Variants in ROCK1 observed in about 807,000 individuals in gnomAD.
The protein encoded by ROCK1 is rho-associated protein kinase 1.
Under a neutral mutation model 196.8 loss-of-function variants are expected in ROCK1, and 36 were observed. The ratio of observed to expected loss-of-function variants is 0.18; its 90% confidence interval spans 0.14 to 0.24. The LOEUF is 0.24. Among genes scored for constraint, ROCK1 ranks in the 10% least tolerant of loss-of-function variants. The pLI is 1.00. For missense variants in ROCK1, 920 were observed against 1,562.0 expected (o/e 0.59, Z 6.93); for synonymous variants, 443 against 515.9 (o/e 0.86, Z 1.91).
chr18:21,088,457 G>A (rs1007812414), intron 1 of ROCK1, among the ~76,000 whole-genome samples: 5 of 152,204 alleles, frequency 3.3e-5, no homozygotes, highest in African/African-American at 7.2e-5. Context: ...CTATGATCAC[G>A]TCACTGCACT....
chr18:20,956,091 T>A (rs562585458), intron 29 of ROCK1, among the ~76,000 whole-genome samples: 2 of 152,238 alleles, frequency 1.3e-5, no homozygotes, highest in African/African-American at 4.8e-5. Context: ...AACTCTTTAT[T>A]TGGCGATGAC....
intron 10 of ROCK1, among the ~76,000 whole-genome samples, chr18:21,025,240 T>A (rs749060151): frequency 6.6e-6 from 1 of 152,212 alleles, no homozygotes; most frequent in Non-Finnish European, 1.5e-5. Context: ...CGGGAGTTAC[T>A]ATATTAGGAA....
intron 9 of ROCK1, among the ~76,000 whole-genome samples, chr18:21,034,365 T>C (rs2036038837): frequency 6.6e-6 from 1 of 152,156 alleles, no homozygotes; most frequent in African/African-American, 2.4e-5. Flanking sequence ...AAGAACGAAG[T>C]TGAAAGACTC....
intron 27 of ROCK1, among the ~76,000 whole-genome samples, chr18:20,966,642 T>C (rs1017491279): frequency 2.6e-5 from 4 of 152,188 alleles, no homozygotes; most frequent in East Asian, 1.9e-4. Flanking sequence ...ACTGTGGACT[T>C]AGGCTGCTCA....
chr18:20,958,826 T>C (rs1598506909), intron 29 of ROCK1, among the ~76,000 whole-genome samples: 1 of 140,752 alleles, frequency 7.1e-6, no homozygotes, highest in Non-Finnish European at 1.5e-5. Flanking sequence ...TTATACTGTA[T>C]TTTTTAAAGA....
chr18:20,967,434 A>C (rs569773443), intron 26 of ROCK1, among the ~76,000 whole-genome samples: 20 of 152,326 alleles, frequency 1.3e-4, no homozygotes, highest in East Asian at 9.6e-4. Context: ...AAAAGCTTAG[A>C]TCTAAGTGCC....
intron 2 of ROCK1, among the ~76,000 whole-genome samples, chr18:21,056,287 CT>C (rs200703099): frequency 0.015 from 2,212 of 152,284 alleles, 63 homozygotes; most frequent in African/African-American, 0.051. Flanking sequence ...AATATATCCT[CT>C]TTTGAAAAAC....
chr18:20,959,097 T>C (rs2035291251), intron 29 of ROCK1, among the ~76,000 whole-genome samples: 1 of 19,102 alleles, frequency 5.2e-5, no homozygotes, highest in South Asian at 1.5e-3. Context: ...TTATATAATA[T>C]ATATATTATA....
intron 1 of ROCK1, among the ~76,000 whole-genome samples, chr18:21,073,238 A>G (rs2036402575): frequency 6.6e-6 from 1 of 152,220 alleles, no homozygotes; most frequent in Non-Finnish European, 1.5e-5. Flanking sequence ...AGGTAGTTAC[A>G]TAAGAGAAGT....
intron 10 of ROCK1, among the ~76,000 whole-genome samples, chr18:21,027,907 G>A (rs1321805266): frequency 2.1e-5 from 3 of 145,656 alleles, no homozygotes; most frequent in Non-Finnish European, 3.0e-5. Context: ...GACTACAGGC[G>A]CCCGCTACCA....
chr18:20,967,710 T>C (rs755759531), intron 26 of ROCK1, 42 bp downstream of exon 26: 8 of 1,367,656 alleles, frequency 5.8e-6, no homozygotes, highest in Non-Finnish European at 6.9e-6. Context: ...TTTAAGAAAA[T>C]AATCCTTCAC....
chr18:20,971,843 T>C (rs2035432212), intron 22 of ROCK1, among the ~76,000 whole-genome samples: 1 of 151,410 alleles, frequency 6.6e-6, no homozygotes, highest in South Asian at 2.1e-4. Flanking sequence ...AGATAAAATA[T>C]GGAAAGTTAT....
intron 1 of ROCK1, among the ~76,000 whole-genome samples, chr18:21,084,022 AAT>A (rs1437967841): frequency 6.6e-6 from 1 of 152,226 alleles, no homozygotes; most frequent in Non-Finnish European, 1.5e-5. Context: ...ATAACCATTC[AAT>A]AATGGACAGT....
chr18:21,026,537 T>A (rs1435698436), intron 10 of ROCK1, among the ~76,000 whole-genome samples: 1 of 149,790 alleles, frequency 6.7e-6, no homozygotes, highest in Non-Finnish European at 1.5e-5. Flanking sequence ...ACAGTTATAA[T>A]ATTATACTCA....
chr18:21,044,198 A>AAAAAATAGT lies in ROCK1; in HGVS notation c.591-21_591-13dup, dbSNP rs1238989168. 7.6e-6 allele frequency: 12 copies of AAAAAATAGT among 1,589,164 alleles called. No individual in the cohort carries two copies. The highest frequency in any genetic ancestry group is 1.0e-5 in the Non-Finnish European group (12 of 1,161,690). ...CAGGCTTCACATCTCTGCAGGAGGG[A>AAAAAATAGT]AAAAATAGTACAGTATTTTCTGAAA... On this transcript the variant is annotated splice_polypyrimidine_tract_variant and intron_variant, in intron 5 of 32. Transcript: ENST00000399799.
At chr18:20,961,818 CTTTTTT>C (rs11334095) in intron 27 of ROCK1, among the ~76,000 whole-genome samples, 1 of 117,210 alleles carries the variant, frequency 8.5e-6, no homozygotes, top group Non-Finnish European at 1.7e-5. Context: ...TTTCTTTTTC[CTTTTTT>C]TTTTTTTTTT....
rs1239831700 is a variant in ROCK1, at chr18:20,947,497, T to A, written c.*3887A>T. 1 of 151,988 alleles carries A rather than the reference T, an allele frequency of 6.6e-6. No homozygotes were observed. The highest frequency in any genetic ancestry group is 6.6e-5 in the Admixed American group (1 of 15,244). The allele number at this position is 151,988 out of a possible 1,614,324, so 9.4% of individuals were successfully genotyped here. A position where few individuals can be genotyped will look rare whatever the true frequency, so the allele number is the denominator to read the frequency against. Reference sequence around the variant, plus strand: ...ACATACTATCCAACCAGAAATTGATTTGAACAGTAAACATTATAAAAACAA... The same window carrying A: ...ACATACTATCCAACCAGAAATTGATATGAACAGTAAACATTATAAAAACAA... On this transcript the variant is annotated 3_prime_UTR_variant, in exon 33 of 33. Transcript: ENST00000399799.
chr18:21,027,750 ATTTT>A (rs751964514), intron 10 of ROCK1, among the ~76,000 whole-genome samples: 4 of 95,324 alleles, frequency 4.2e-5, no homozygotes, highest in Admixed American at 1.2e-4. Flanking sequence ...GAATCACTTA[ATTTT>A]TTTTTTTTTT....
chr18:20,995,503 A>T (rs2035663192), intron 16 of ROCK1, among the ~76,000 whole-genome samples: 1 of 152,138 alleles, frequency 6.6e-6, no homozygotes. Context: ...CCCCAATTCC[A>T]GGTCCTGGTT....
Sources: allele counts gnomAD v4.1 joint callset (sites outside exome capture counted in the v4.1 genomes callset), GRCh38; gene constraint gnomAD v4.1.1; transcripts MANE v1.5; gene names NCBI Gene and HGNC (gene_info 2026-07-23, HGNC 2026-07-21).